The following EBF1 variants were observed in gnomAD, a reference collection of about 807,000 sequenced individuals.
EBF1 encodes transcription factor COE1.
In EBF1, 10 loss-of-function variants were observed where a neutral mutation model predicts 68.4. The observed-to-expected ratio is 0.15, with a 90% CI of 0.09 to 0.25. The LOEUF (loss-of-function observed/expected upper bound fraction) is 0.25, where lower values mean the gene tolerates loss of function less well. EBF1 is among the 10% of genes least tolerant of loss of function. EBF1 has a pLI of 1.00. For synonymous variants in EBF1, 298 were observed against 299.8 expected (o/e 0.99, Z 0.06); for missense variants, 509 against 794.4 (o/e 0.64, Z 4.32).
chr5:158,719,182 A>ACTGTGAGTTTTTTTATGTCACTTTTT (rs1761401927), intron 11 of EBF1, among the ~76,000 whole-genome samples: 1 of 152,178 alleles, frequency 6.6e-6, no homozygotes, highest in Non-Finnish European at 1.5e-5. Flanking sequence ...AGTTTTGATC[A>ACTGTGAGTTTTTTTATGTCACTTTTT]CTGTGAGTTT....
chr5:158,884,321 G>T (rs1799557136), intron 6 of EBF1, among the ~76,000 whole-genome samples: 1 of 152,154 alleles, frequency 6.6e-6, no homozygotes, highest in Non-Finnish European at 1.5e-5. Flanking sequence ...ACTCTAACAA[G>T]TACTTGATTA....
chr5:158,820,037 C>T (rs916032109), intron 8 of EBF1, among the ~76,000 whole-genome samples: 11 of 152,088 alleles, frequency 7.2e-5, no homozygotes, highest in African/African-American at 9.7e-5. Context: ...ATGTAAAGCA[C>T]GATCTCTGTC....
At chr5:158,990,948 A>G (rs1254361262) in intron 6 of EBF1, among the ~76,000 whole-genome samples, 2 of 152,194 alleles carry the variant, frequency 1.3e-5, no homozygotes. Context: ...AAGCTGGTAT[A>G]TAAGAACTAC....
intron 8 of EBF1, among the ~76,000 whole-genome samples, chr5:158,800,021 G>C (rs753382525): frequency 2.0e-5 from 3 of 152,104 alleles, no homozygotes; most frequent in Non-Finnish European, 2.9e-5. Context: ...ACTTGCAATT[G>C]TGGCTAAAAC....
At chr5:158,811,053 C>T (rs1320531711) in intron 8 of EBF1, among the ~76,000 whole-genome samples, 1 of 152,140 alleles carries the variant, frequency 6.6e-6, no homozygotes, top group African/African-American at 2.4e-5. Flanking sequence ...CTGATGGCAT[C>T]ATATTCATCT....
rs560864477 is a variant in EBF1, at chr5:159,091,031, A to G, written c.411+4589T>C. ...TTCTTGCTCAACAACTATGTAGACA[A>G]TTCACCAATGTCCAAACACTCCTTC... On this transcript the variant is annotated intron_variant, in intron 4 of 15. Coordinates refer to ENST00000313708, the MANE Select transcript of EBF1 (RefSeq NM_024007.5). 1.2e-4 allele frequency among the ~76,000 whole-genome samples: 18 copies of G among 152,302 alleles called. No individual in the cohort carries two copies. In the East Asian group the frequency reaches 2.9e-3, roughly 24 times the overall value.
At chr5:158,974,004 CT>C (rs1756206233) in intron 6 of EBF1, among the ~76,000 whole-genome samples, 1 of 152,306 alleles carries the variant, frequency 6.6e-6, no homozygotes, top group South Asian at 2.1e-4. Context: ...AATCATTTTG[CT>C]GGTGTTTCGA....
chr5:159,098,318 C>T (rs931758043), intron 1 of EBF1, among the ~76,000 whole-genome samples: 2 of 152,200 alleles, frequency 1.3e-5, no homozygotes, highest in African/African-American at 4.8e-5. Context: ...GCCACACAGT[C>T]TAGTGTCTAG....
intron 6 of EBF1, among the ~76,000 whole-genome samples, chr5:158,901,156 T>C (rs1583013679): frequency 6.6e-6 from 1 of 152,362 alleles, no homozygotes; most frequent in East Asian, 1.9e-4. Flanking sequence ...ATGTTATTCT[T>C]GCTCTTTGGA....
At chr5:158,995,420 A>G (rs942834630) in intron 6 of EBF1, among the ~76,000 whole-genome samples, 8 of 152,132 alleles carry the variant, frequency 5.3e-5, no homozygotes, top group African/African-American at 1.9e-4. Context: ...TTGGCTTAGA[A>G]CTGCTGTGAA....
At chr5:158,801,757 G>T (rs985307198) in intron 8 of EBF1, among the ~76,000 whole-genome samples, 10 of 151,894 alleles carry the variant, frequency 6.6e-5, no homozygotes, top group African/African-American at 2.4e-4. Context: ...TGCACCAGGG[G>T]ACATTTGCTA....
chr5:158,945,308 A>G (rs113319049), intron 6 of EBF1, among the ~76,000 whole-genome samples: 1 of 152,158 alleles, frequency 6.6e-6, no homozygotes, highest in Non-Finnish European at 1.5e-5. Flanking sequence ...AGTTTTCCCA[A>G]CGCCATTTAT....
rs548582444 is a variant in EBF1, at chr5:158,978,902, C to T, written c.554+94494G>A. 2.7e-3 allele frequency among the ~76,000 whole-genome samples: 408 copies of T among 151,928 alleles called. 8 individuals are homozygous for T. Among genetic ancestry groups the T allele is most frequent in the Admixed American group, 0.022 (340 of 15,270 alleles). On this transcript the variant is annotated intron_variant, in intron 6 of 15. Coordinates refer to ENST00000313708, the MANE Select transcript of EBF1 (RefSeq NM_024007.5). ...CTAGGAGAATCACTCAGTTTCCAAG[C>T]AGGGTCAGTGTAATATTCTCCATTC...
At chr5:158,930,286 GGTT>G (rs1045809208) in intron 6 of EBF1, among the ~76,000 whole-genome samples, 7 of 129,856 alleles carry the variant, frequency 5.4e-5, no homozygotes, top group African/African-American at 1.5e-4. Flanking sequence ...GTTTTTTTTT[GGTT>G]GTTAAGTCTC....
chr5:158,712,982 C>T lies in EBF1; in HGVS notation c.1357G>A (p.Ala453Thr). The T allele has an allele frequency of 6.7e-7, 1 of 1,491,448 alleles. No individual in the cohort carries two copies. Among genetic ancestry groups the T allele is most frequent in the Non-Finnish European group, 9.0e-7 (1 of 1,110,756 alleles). The allele number at this position is 1,491,448 out of a possible 1,614,324, so 92.4% of individuals were successfully genotyped here. Reference protein sequence around the residue: ...LAVNVSEASQATNQGFTRNSS... With the variant: ...LAVNVSEASQTTNQGFTRNSS... ...GCAAGCTTCTGACCCTGATTGGTGG[C>T]TTGTGATGCCTCGGAGACATTCACG... The change falls in exon 13 of 16, where the codon GCC becomes ACC. Residue 453 changes from alanine to threonine, a missense_variant. Physicochemically the swap from Ala to Thr is moderately conservative, Grantham distance 58 (BLOSUM62 0). Coordinates refer to ENST00000313708, the MANE Select transcript of EBF1 (RefSeq NM_024007.5).
chr5:159,067,563 T>C lies in EBF1; in HGVS notation c.554+5833A>G, dbSNP rs1320498462. Among the ~76,000 whole-genome samples, 5 of 152,244 alleles carry C rather than the reference T, an allele frequency of 3.3e-5. No homozygotes were observed. In the East Asian group the frequency reaches 9.6e-4, roughly 29 times the overall value. On this transcript the variant is annotated intron_variant, in intron 6 of 15. Transcript: ENST00000313708. ...TGCATTTTAATGCATCCTGGTTGTGTATTTGGGAATAGCTGATAGCAAATG... is the reference window on the plus strand; with the variant it reads ...TGCATTTTAATGCATCCTGGTTGTGCATTTGGGAATAGCTGATAGCAAATG...
chr5:158,896,302 C>T (rs1487956822), intron 6 of EBF1, among the ~76,000 whole-genome samples: 1 of 151,988 alleles, frequency 6.6e-6, no homozygotes, highest in Admixed American at 6.6e-5. Context: ...TTTTTTTCCT[C>T]AACTATTACC....
At chr5:159,073,763 T>C in intron 5 of EBF1, 3 of 377,282 alleles carry the variant, frequency 8.0e-6, no homozygotes, top group East Asian at 4.6e-5. Flanking sequence ...CAGAGTTCAC[T>C]GTGAAGTGCA....
chr5:158,847,771 C>G, intron 6 of EBF1, among the ~76,000 whole-genome samples: 1 of 152,180 alleles, frequency 6.6e-6, no homozygotes, highest in East Asian at 1.9e-4. Context: ...TGGGGACAGA[C>G]TGAGGACACA....
Sources: gnomAD v4.1 joint callset for allele counts (sites outside exome capture counted in the v4.1 genomes callset) on GRCh38, gnomAD v4.1.1 for gene constraint, MANE v1.5 for transcripts, NCBI Gene and HGNC (gene_info 2026-07-23, HGNC 2026-07-21) for gene names.